Variants in ANKRD30BL observed in about 807,000 individuals in gnomAD.
The protein encoded by ANKRD30BL is ankyrin repeat domain 30B like.
A neutral mutation model predicts 18.4 loss-of-function variants in ANKRD30BL; 20 were observed. The observed-to-expected ratio is 1.09, with a 90% CI of 0.77 to 1.58. ANKRD30BL has a LOEUF of 1.58. ANKRD30BL is among the 40% of genes most tolerant of loss of function. The pLI is 0.00. For missense variants in ANKRD30BL, 224 were observed against 268.6 expected (o/e 0.83, Z 1.16); for synonymous variants, 72 against 100.9 (o/e 0.71, Z 1.72).
At position 132,252,877 on chromosome 2, in the gene ANKRD30BL, C is replaced by T. The variant is rs562126676; in HGVS notation, n.441+4652G>A. Among the ~76,000 whole-genome samples, 38 of 152,344 alleles carry T rather than the reference C, an allele frequency of 2.5e-4. 1 individual carries two copies. The East Asian group carries it at 7.2e-3, about 29-fold the overall frequency. On this transcript the variant is annotated intron_variant and non_coding_transcript_variant, in intron 1 of 4. Transcript: ENST00000470729. ...CAGACCGTGATGGTGGCCACAGGAA[C>T]TCGGCTGCAGCCGGCTATCTTCCCT...
intron 1 of ANKRD30BL, among the ~76,000 whole-genome samples, chr2:132,221,213 C>G (rs865991622): frequency 7.1e-6 from 1 of 140,748 alleles, no homozygotes; most frequent in Non-Finnish European, 1.5e-5. Flanking sequence ...GCCCCCCGCC[C>G]GGCCAGCCGC....
rs1687653800 is a variant in ANKRD30BL, at chr2:132,148,054, T to C, written c.*77A>G. On this transcript the variant is annotated 3_prime_UTR_variant, in exon 6 of 6. Transcript: ENST00000409867. ...TCTTTGATGAGGAACTCAGAACTCA[T>C]TGTACTTAATCTTCCCCCTCTTGAA... 9.2e-7 allele frequency: 1 copy of C among 1,082,114 alleles called. No individual in the cohort carries two copies. The highest frequency in any genetic ancestry group is 1.4e-6 in the Non-Finnish European group (1 of 721,896). 67.0% of individuals were successfully genotyped at this position (1,082,114 alleles called of 1,614,324 possible).
chr2:132,148,238 A>G lies in ANKRD30BL; in HGVS notation c.680-10T>C. ...CCTTCAGATGTTCCTTCTGCCAAAC[A>G]CAGAGTCTGGTTAAATTTTCCTTCG... is the stretch of plus-strand genomic sequence containing the variant. On this transcript the variant is annotated splice_polypyrimidine_tract_variant and intron_variant, in intron 5 of 5. Coordinates refer to ENST00000409867, the MANE Select transcript of ANKRD30BL (RefSeq NM_001358416.1). 2 of 1,598,432 alleles carry G rather than the reference A, an allele frequency of 1.3e-6. No homozygotes were observed. The highest frequency in any genetic ancestry group is 1.7e-6 in the Non-Finnish European group (2 of 1,173,106).
chr2:132,195,830 AAGAAT>A (rs1372183976), intron 1 of ANKRD30BL, among the ~76,000 whole-genome samples: 2 of 150,680 alleles, frequency 1.3e-5, no homozygotes, highest in East Asian at 3.9e-4. Context: ...ATTCATCAAA[AAGAAT>A]AGAAGACTTA....
intron 1 of ANKRD30BL, among the ~76,000 whole-genome samples, chr2:132,223,297 C>T (rs917618606): frequency 3.7e-4 from 57 of 152,040 alleles, no homozygotes; most frequent in Non-Finnish European, 7.5e-4. Flanking sequence ...AAACACTAGA[C>T]AGAAGCATTC....
chr2:132,222,173 C>CCCCT lies in ANKRD30BL; in HGVS notation n.441+35352_441+35355dup, dbSNP rs1210985134. The stretch of plus-strand genomic sequence containing the variant: ...GCCACCCCTACTGGGAAGTGAGGAG[C>CCCCT]CCCTCTGCCTGGCCAGCCGCCCCGT... On this transcript the variant is annotated intron_variant and non_coding_transcript_variant, in intron 1 of 4. Coordinates refer to the ANKRD30BL transcript ENST00000470729. 1.4e-3 allele frequency among the ~76,000 whole-genome samples: 202 copies of CCCCT among 145,398 alleles called. 1 individual carries two copies. The highest frequency in any genetic ancestry group is 4.9e-3 in the African/African-American group (191 of 39,172).
intron 3 of ANKRD30BL, chr2:132,155,972 T>C (rs948033323): frequency 3.9e-5 from 6 of 152,014 alleles, no homozygotes; most frequent in African/African-American, 7.2e-5. Flanking sequence ...ATGATACTCC[T>C]AGGATCCTAA....
chr2:132,211,780 T>G (rs1480089763), intron 1 of ANKRD30BL, among the ~76,000 whole-genome samples: 24 of 151,992 alleles, frequency 1.6e-4, no homozygotes, highest in Non-Finnish European at 2.6e-4. Context: ...AACTTCTTTG[T>G]GATGTGTGCA....
chr2:132,227,415 C>G (rs1294868659), intron 1 of ANKRD30BL, among the ~76,000 whole-genome samples: 12 of 151,996 alleles, frequency 7.9e-5, no homozygotes, highest in Admixed American at 5.3e-4. Context: ...TCAGAAACTT[C>G]TTTTTGATGT....
chr2:132,211,116 C>A (rs1361993454), intron 1 of ANKRD30BL, among the ~76,000 whole-genome samples: 2 of 150,758 alleles, frequency 1.3e-5, no homozygotes, highest in Middle Eastern at 6.8e-3. Flanking sequence ...ATTCATCTCA[C>A]AGTGCTTAAC....
chr2:132,180,601 G>A (rs1159999071), intron 1 of ANKRD30BL, among the ~76,000 whole-genome samples: 2 of 151,656 alleles, frequency 1.3e-5, no homozygotes, highest in African/African-American at 4.9e-5. Flanking sequence ...CCAGAGACAG[G>A]CACCATTATT....
chr2:132,199,117 C>G (rs1436825498), intron 1 of ANKRD30BL, among the ~76,000 whole-genome samples: 1 of 151,948 alleles, frequency 6.6e-6, no homozygotes, highest in African/African-American at 2.4e-5. Context: ...CTTGGGAGGC[C>G]GAGGCGGGCA....
At chr2:132,224,301 T>G (rs929235466) in intron 1 of ANKRD30BL, among the ~76,000 whole-genome samples, 1 of 152,082 alleles carries the variant, frequency 6.6e-6, no homozygotes, top group Non-Finnish European at 1.5e-5. Context: ...GAAAAGGAAA[T>G]ATCTTTATAT....
At chr2:132,176,057 G>A (rs539035081) in intron 1 of ANKRD30BL, among the ~76,000 whole-genome samples, 3 of 152,254 alleles carry the variant, frequency 2.0e-5, no homozygotes, top group South Asian at 2.1e-4. Context: ...AGAAATGATC[G>A]TTAGCAACAG....
At chr2:132,167,673 C>T (rs1431077655) in intron 1 of ANKRD30BL, among the ~76,000 whole-genome samples, 1 of 152,164 alleles carries the variant, frequency 6.6e-6, no homozygotes, top group Non-Finnish European at 1.5e-5. Flanking sequence ...CTTGGTGTAT[C>T]TCATCACCTC....
chr2:132,181,511 AC>A, intron 1 of ANKRD30BL, among the ~76,000 whole-genome samples: 1 of 152,080 alleles, frequency 6.6e-6, no homozygotes, highest in African/African-American at 2.4e-5. Context: ...AGAAAGAAAA[AC>A]AATCATAGAG....
At chr2:132,185,425 C>T (rs1348905052) in intron 1 of ANKRD30BL, among the ~76,000 whole-genome samples, 1 of 152,046 alleles carries the variant, frequency 6.6e-6, no homozygotes. Flanking sequence ...TTTTTCTCCC[C>T]CAGTATTTTT....
intron 1 of ANKRD30BL, among the ~76,000 whole-genome samples, chr2:132,197,906 A>G (rs1678997979): frequency 6.6e-6 from 1 of 151,978 alleles, no homozygotes; most frequent in Admixed American, 6.6e-5. Context: ...CTTCTGGCCT[A>G]TGTATAAGCT....
At chr2:132,188,689 G>A (rs1259704893) in intron 1 of ANKRD30BL, among the ~76,000 whole-genome samples, 1 of 151,868 alleles carries the variant, frequency 6.6e-6, no homozygotes, top group African/African-American at 2.4e-5. Context: ...CAGCCTGGGT[G>A]ATAGAGCGAG....
Sources: gnomAD v4.1 joint callset for allele counts (sites outside exome capture counted in the v4.1 genomes callset) on GRCh38, gnomAD v4.1.1 for gene constraint, MANE v1.5 for transcripts, NCBI Gene and HGNC (gene_info 2026-07-23, HGNC 2026-07-21) for gene names.